NHSL2: variants seen among roughly 807,000 people sequenced by gnomAD.
The protein encoded by NHSL2 is NHS like 2, also known as NHS-like protein 2.
Under a neutral mutation model 53.4 loss-of-function variants are expected in NHSL2, and 27 were observed. That is an observed-to-expected ratio of 0.51 (90% confidence interval 0.37 to 0.70). The LOEUF (loss-of-function observed/expected upper bound fraction) is 0.70. NHSL2 is among the 30% of genes least tolerant of loss of function. The pLI, the probability that NHSL2 is intolerant of heterozygous loss-of-function variation, is 0.00. For missense variants in NHSL2, 892 were observed against 980.1 expected (o/e 0.91, Z 1.20); for synonymous variants, 408 against 404.1 (o/e 1.01, Z -0.12).
chrX:72,040,652 C>T (rs779387167), intron 1 of NHSL2, among the ~76,000 whole-genome samples: 3 of 112,299 alleles, frequency 2.7e-5, no homozygotes, highest in Admixed American at 9.4e-5. Flanking sequence ...CCCCTGAGCA[C>T]GTGCAGTGTG....
intron 1 of NHSL2, among the ~76,000 whole-genome samples, chrX:71,922,958 A>T (rs1243930649): frequency 1.8e-5 from 2 of 112,091 alleles, no homozygotes; most frequent in African/African-American, 6.5e-5. Context: ...CATAATTCTG[A>T]GTTAATGAAA....
rs1002034933 is a variant in NHSL2, at chrX:72,081,987, C to T, written c.281-50092C>T. Among the ~76,000 whole-genome samples the T allele has an allele frequency of 4.5e-5, 5 of 112,221 alleles. 1 individual carries two copies. The highest frequency in any genetic ancestry group is 3.8e-5 in the Non-Finnish European group (2 of 53,235). ...CAGCTGGCCTCTCCCTCCAGTGAGACGCACAAGTTGCTTGGCCAGGCATCG... is the reference window on the plus strand; with the variant it reads ...CAGCTGGCCTCTCCCTCCAGTGAGATGCACAAGTTGCTTGGCCAGGCATCG... On this transcript the variant is annotated intron_variant, in intron 1 of 7. Coordinates refer to ENST00000633930, the MANE Select transcript of NHSL2 (RefSeq NM_001013627.3).
chrX:72,010,002 G>C (rs1000552467), intron 1 of NHSL2, among the ~76,000 whole-genome samples: 4 of 113,068 alleles, frequency 3.5e-5, no homozygotes, highest in African/African-American at 9.6e-5. Flanking sequence ...ATGTTTTCAG[G>C]TCAGCGGGTG....
chrX:71,927,722 A>C (rs2041692812), intron 1 of NHSL2, among the ~76,000 whole-genome samples: 1 of 110,069 alleles, frequency 9.1e-6, no homozygotes, highest in Non-Finnish European at 1.9e-5. Context: ...AGCCTGGCTA[A>C]TTTTTTTACT....
At chrX:71,965,214 C>T (rs1042125646) in intron 1 of NHSL2, among the ~76,000 whole-genome samples, 1 of 112,325 alleles carries the variant, frequency 8.9e-6, no homozygotes, top group Non-Finnish European at 1.9e-5. Flanking sequence ...TGTTCTCTCT[C>T]GTGTTATTGT....
intron 1 of NHSL2, among the ~76,000 whole-genome samples, chrX:72,050,452 C>G (rs780143389): frequency 9.0e-6 from 1 of 111,453 alleles, no homozygotes; most frequent in Non-Finnish European, 1.9e-5. Flanking sequence ...CCCCTTTTTT[C>G]CTTTTTTCTT....
intron 1 of NHSL2, among the ~76,000 whole-genome samples, chrX:71,994,856 CTGAG>C (rs2042043208): frequency 8.9e-6 from 1 of 111,776 alleles, no homozygotes; most frequent in Non-Finnish European, 1.9e-5. Context: ...TGCATACTTG[CTGAG>C]TGAGTGAGTA....
intron 1 of NHSL2, among the ~76,000 whole-genome samples, chrX:72,115,439 G>GC (rs1264991658): frequency 4.7e-5 from 4 of 85,359 alleles, no homozygotes; most frequent in African/African-American, 1.7e-4. Flanking sequence ...GGCGGGGGGG[G>GC]GGTGCGGGGG....
intron 1 of NHSL2, among the ~76,000 whole-genome samples, chrX:72,117,480 A>G (rs1333984265): frequency 9.2e-6 from 1 of 108,868 alleles, no homozygotes; most frequent in Non-Finnish European, 1.9e-5. Flanking sequence ...TGAAGCATAC[A>G]ATTCACTGGG....
At position 71,938,668 on chromosome X, in the gene NHSL2, C is replaced by A. The variant is rs764373702; in HGVS notation, c.280+27301C>A. On this transcript the variant is annotated intron_variant, in intron 1 of 7. Transcript: ENST00000633930. ...ACTAAGACATAGCTCGACTCTGGTT[C>A]TAAAAGTCAAGTGATAATTGAAATT... 9.7e-5 allele frequency among the ~76,000 whole-genome samples: 11 copies of A among 112,900 alleles called. No homozygotes were observed. The South Asian group carries it at 4.0e-3, about 41-fold the overall frequency.
intron 1 of NHSL2, among the ~76,000 whole-genome samples, chrX:71,959,740 T>C (rs187836260): frequency 8.9e-6 from 1 of 112,430 alleles, no homozygotes; most frequent in Non-Finnish European, 1.9e-5. Flanking sequence ...CTTTTTAAAA[T>C]AGCTTCTTTT....
chrX:72,027,865 T>C (rs1400233046), intron 1 of NHSL2, among the ~76,000 whole-genome samples: 2 of 110,155 alleles, frequency 1.8e-5, no homozygotes, highest in African/African-American at 3.3e-5. Flanking sequence ...AGGGGTTTTG[T>C]ATTAAGGGTC....
rs2042485225 is a variant in NHSL2 at position 72,148,840 on chromosome X, A to ATGTGTGTGTGCGTGTGTG, written c.*5276_*5277insCGTGTGTGTGTGTGTGTG. ...GGAGAAAGAGAGAGAGAGAGAGTGT[A>ATGTGTGTGTGCGTGTGTG]TGTGTGTGTGTGTGTGTGTGTGTGT... On this transcript the variant is annotated 3_prime_UTR_variant, in exon 8 of 8. Transcript: ENST00000633930. 1 of 85,960 alleles carries ATGTGTGTGTGCGTGTGTG rather than the reference A, an allele frequency of 1.2e-5. No homozygotes were observed. The highest frequency in any genetic ancestry group is 1.4e-4 in the Admixed American group (1 of 7,366). 7.1% of individuals were successfully genotyped at this position (85,960 alleles called of 1,213,427 possible).
At chrX:72,043,602 C>T (rs1386521683) in intron 1 of NHSL2, among the ~76,000 whole-genome samples, 1 of 111,670 alleles carries the variant, frequency 9.0e-6, no homozygotes, top group Non-Finnish European at 1.9e-5. Context: ...ATACTTTGCT[C>T]CCTCAGAAAC....
intron 1 of NHSL2, among the ~76,000 whole-genome samples, chrX:72,097,386 T>G (rs2041952101): frequency 8.9e-6 from 1 of 112,153 alleles, no homozygotes. Context: ...CCCCGTCCAG[T>G]GTTCCTGCTA....
intron 1 of NHSL2, among the ~76,000 whole-genome samples, chrX:72,100,148 C>T (rs1474469895): frequency 2.7e-5 from 3 of 111,644 alleles, no homozygotes; most frequent in Non-Finnish European, 5.7e-5. Context: ...CCAGAACAGC[C>T]GAGCCAAGTA....
intron 1 of NHSL2, among the ~76,000 whole-genome samples, chrX:72,048,732 CTT>C (rs1342216487): frequency 9.1e-6 from 1 of 109,932 alleles, no homozygotes; most frequent in Non-Finnish European, 1.9e-5. Flanking sequence ...GCTTCTTGGA[CTT>C]TACTCGACCT....
At chrX:72,058,900 G>A (rs985263628) in intron 1 of NHSL2, among the ~76,000 whole-genome samples, 10 of 112,115 alleles carry the variant, frequency 8.9e-5, no homozygotes, top group African/African-American at 9.7e-5. Flanking sequence ...GCAGAGCAAG[G>A]CAGAGACACA....
At chrX:72,004,207 A>C (rs2042083615) in intron 1 of NHSL2, among the ~76,000 whole-genome samples, 1 of 112,170 alleles carries the variant, frequency 8.9e-6, no homozygotes. Context: ...ATGAGAAGAC[A>C]TGGGTGTGAC....
Sources: gnomAD v4.1 joint callset for allele counts (sites outside exome capture counted in the v4.1 genomes callset) on GRCh38, gnomAD v4.1.1 for gene constraint, MANE v1.5 for transcripts, NCBI Gene and HGNC (gene_info 2026-07-23, HGNC 2026-07-21) for gene names.